The following LRBA variants were observed in gnomAD, a reference collection of about 807,000 sequenced individuals.
LRBA encodes the protein LPS responsive beige-like anchor protein, also known as lipopolysaccharide-responsive and beige-like anchor protein.
LRBA carries 176 observed loss-of-function variants against 330.0 expected under a neutral mutation model. The ratio of observed to expected loss-of-function variants is 0.53; its 90% CI spans 0.47 to 0.60. The LOEUF (loss-of-function observed/expected upper bound fraction) is 0.60. LRBA is among the 20% of genes least tolerant of loss of function. LRBA has a pLI of 0.00. For missense variants in LRBA, 3,259 were observed against 3,444.8 expected (o/e 0.95, Z 1.35); for synonymous variants, 1,230 against 1,193.0 (o/e 1.03, Z -0.64).
chr4:150,809,881 ATACGATACG>A (rs1743401927), intron 31 of LRBA, among the ~76,000 whole-genome samples: 4 of 143,036 alleles, frequency 2.8e-5, no homozygotes, highest in South Asian at 2.3e-4. Context: ...ATACGATACG[ATACGATACG>A]ATACGATACG....
At chr4:150,502,824 G>A (rs968034206) in intron 40 of LRBA, among the ~76,000 whole-genome samples, 1 of 152,198 alleles carries the variant, frequency 6.6e-6, no homozygotes, top group Admixed American at 6.5e-5. Flanking sequence ...GGTGACAGAC[G>A]GCACCTGGAA....
In LRBA at chr4:150,486,646, T is replaced by C. The variant is rs536786641; in HGVS notation, c.6551+1086A>G. Among the ~76,000 whole-genome samples the C allele has an allele frequency of 5.5e-4, 84 of 151,952 alleles. 1 individual carries two copies. Among genetic ancestry groups the C allele is most frequent in the Non-Finnish European group, 1.1e-3 (75 of 67,864 alleles). On this transcript the variant is annotated intron_variant, in intron 42 of 56. Coordinates refer to ENST00000651943, the MANE Select transcript of LRBA (RefSeq NM_001364905.1). ...ATTAATATATCCATTACCTCATATATTCATCATTTTTTGTAATCTAGTCTC... is the reference window on the plus strand; with the variant it reads ...ATTAATATATCCATTACCTCATATACTCATCATTTTTTGTAATCTAGTCTC...
intron 2 of LRBA, among the ~76,000 whole-genome samples, chr4:151,008,181 A>C (rs1251389935): frequency 6.6e-6 from 1 of 151,694 alleles, no homozygotes; most frequent in African/African-American, 2.4e-5. Context: ...CCCGGGTTCA[A>C]GCAATTCTCC....
intron 40 of LRBA, chr4:150,582,736 T>G: frequency 3.0e-6 from 1 of 328,042 alleles, no homozygotes; most frequent in Non-Finnish European, 5.6e-6. Flanking sequence ...CGGTCATCTT[T>G]ACATATCAAG....
At chr4:150,400,294 G>T (rs943896816) in intron 47 of LRBA, among the ~76,000 whole-genome samples, 2 of 152,108 alleles carry the variant, frequency 1.3e-5, no homozygotes, top group Non-Finnish European at 2.9e-5. Context: ...AGTTTAAAAA[G>T]AAATAGTTAT....
At chr4:150,844,886 A>T (rs941575958) in intron 26 of LRBA, 107 bp from the exon 27 acceptor site, 1 of 913,442 alleles carries the variant, frequency 1.1e-6, no homozygotes, top group Non-Finnish European at 1.7e-6. Flanking sequence ...ATTTTATTCA[A>T]AACAGACGAC....
chr4:150,806,641 C>T (rs1742835669), intron 32 of LRBA, among the ~76,000 whole-genome samples: 1 of 152,118 alleles, frequency 6.6e-6, no homozygotes, highest in South Asian at 2.1e-4. Context: ...CCACTCCAAG[C>T]ATCAGTACTT....
chr4:150,794,828 G>A (rs1360916130), intron 34 of LRBA, among the ~76,000 whole-genome samples: 1 of 152,020 alleles, frequency 6.6e-6, no homozygotes, highest in Non-Finnish European at 1.5e-5. Context: ...CTGATAAATG[G>A]GAAAAGAATA....
chr4:150,820,930 T>C (rs780532178), intron 30 of LRBA, among the ~76,000 whole-genome samples: 17 of 152,204 alleles, frequency 1.1e-4, no homozygotes, highest in Non-Finnish European at 2.2e-4. Context: ...AGATTGATCA[T>C]GCAAAAACTA....
At chr4:151,006,926 CT>C (rs1554018313) in intron 2 of LRBA, among the ~76,000 whole-genome samples, 1 of 152,092 alleles carries the variant, frequency 6.6e-6, no homozygotes, top group Non-Finnish European at 1.5e-5. Context: ...TCCCAGCTTG[CT>C]TTTTTACAAA....
chr4:150,926,271 T>C (rs1733871600), intron 4 of LRBA, among the ~76,000 whole-genome samples: 1 of 152,186 alleles, frequency 6.6e-6, no homozygotes, highest in Non-Finnish European at 1.5e-5. Context: ...CTAGGAATTG[T>C]TGAGACCCTA....
intron 37 of LRBA, among the ~76,000 whole-genome samples, chr4:150,672,310 T>C (rs188521591): frequency 1.3e-5 from 2 of 152,158 alleles, no homozygotes; most frequent in East Asian, 1.9e-4. Context: ...GTAGTAAACA[T>C]TGACAAGAAG....
In LRBA at chr4:150,839,330, GATTCCT is replaced by G. The variant is rs1578955092; in HGVS notation, c.4569+4764_4569+4769del. Among the ~76,000 whole-genome samples the G allele has an allele frequency of 2.0e-5, 3 of 152,312 alleles. No individual in the cohort carries two copies. In the East Asian group the frequency reaches 5.8e-4, roughly 29 times the overall value. On this transcript the variant is annotated intron_variant, in intron 28 of 56. Transcript: ENST00000651943. ...TCAACCATTGTGAAGACAGTGTGGC[GATTCCT>G]CAGGGATCTAGAACTACAAATACCA...
At chr4:150,845,619 G>A (rs1201717617) in intron 26 of LRBA, among the ~76,000 whole-genome samples, 1 of 152,124 alleles carries the variant, frequency 6.6e-6, no homozygotes, top group East Asian at 1.9e-4. Context: ...GCAAACTTAA[G>A]GGGGGACTTC....
intron 2 of LRBA, among the ~76,000 whole-genome samples, chr4:150,980,285 C>CA (rs911698130): frequency 1.8e-4 from 28 of 151,524 alleles, no homozygotes; most frequent in Admixed American, 3.9e-4. Flanking sequence ...CTCACCGTGA[C>CA]AAAAAAAACC....
chr4:150,946,506 C>T (rs538260021), intron 2 of LRBA, among the ~76,000 whole-genome samples: 2 of 152,210 alleles, frequency 1.3e-5, no homozygotes, highest in East Asian at 1.9e-4. Context: ...GAAACTATTA[C>T]ACTCCTAAAT....
At chr4:150,796,703 T>G (rs1167081558) in intron 34 of LRBA, among the ~76,000 whole-genome samples, 1 of 151,942 alleles carries the variant, frequency 6.6e-6, no homozygotes, top group Non-Finnish European at 1.5e-5. Context: ...ATACATTCGA[T>G]TCTTCTAAAC....
At chr4:150,392,744 T>C (rs893249063) in intron 47 of LRBA, among the ~76,000 whole-genome samples, 1 of 151,440 alleles carries the variant, frequency 6.6e-6, no homozygotes, top group Non-Finnish European at 1.5e-5. Flanking sequence ...TATGGGGTTT[T>C]CTAAATATAC....
intron 46 of LRBA, among the ~76,000 whole-genome samples, chr4:150,418,171 C>T (rs1748063952): frequency 6.6e-6 from 1 of 152,006 alleles, no homozygotes; most frequent in Non-Finnish European, 1.5e-5. Context: ...GAATACACTA[C>T]CATGCCTGGC....
Sources: allele counts gnomAD v4.1 joint callset (sites outside exome capture counted in the v4.1 genomes callset), GRCh38; gene constraint gnomAD v4.1.1; transcripts MANE v1.5; gene names NCBI Gene and HGNC (gene_info 2026-07-23, HGNC 2026-07-21).